The following MYO1F variants were observed in gnomAD, a reference collection of about 807,000 sequenced individuals.
MYO1F encodes the protein unconventional myosin-If.
MYO1F carries 60 observed loss-of-function variants against 146.6 expected under a neutral mutation model. The observed-to-expected ratio is 0.41, with a 90% confidence interval of 0.33 to 0.51. MYO1F has a LOEUF of 0.51. Ranked by LOEUF, MYO1F falls within the 20% of genes least tolerant of loss-of-function variation. The probability of loss-of-function intolerance (pLI) is 0.25; values close to 1 mark genes in which losing one functional copy is unlikely to be tolerated. For missense variants in MYO1F, 1,274 were observed against 1,534.3 expected, an observed-to-expected ratio of 0.83 and a Z score of 2.83; for synonymous variants, 602 against 602.1, an observed-to-expected ratio of 1.00 and a Z score of 0.00.
At chr19:8,522,266 C>T in intron 27 of MYO1F, 111 bp downstream of exon 27, 1 of 1,363,950 alleles carries the variant, frequency 7.3e-7, no homozygotes, top group Non-Finnish European at 1.0e-6. Flanking sequence ...TCGTGATCTG[C>T]CCGCCTTGGC....
intron 4 of MYO1F, 24 bp from the exon 5 acceptor site, chr19:8,553,461 T>G (rs1404139468): frequency 6.2e-7 from 1 of 1,603,860 alleles, no homozygotes; most frequent in East Asian, 2.2e-5. Context: ...GAGGAATAAA[T>G]GATCAGTGGT....
rs1207143686 is a variant in MYO1F, at chr19:8,527,479, A to T, written c.2333T>A (p.Ile778Asn). The T allele has an allele frequency of 1.2e-6, 2 of 1,613,912 alleles. No individual in the cohort carries two copies. The highest frequency in any genetic ancestry group is 4.5e-5 in the East Asian group (2 of 44,876). ...VTKYDRRFKPIKRDLILTPKC... is the reference protein window; with the variant it reads ...VTKYDRRFKPNKRDLILTPKC... ...GGGCGTCAGGATCAAGTCCCGCTTGATGGGCTGTGGGGATGCAGGATTAGA... is the reference window on the plus strand; with the variant it reads ...GGGCGTCAGGATCAAGTCCCGCTTGTTGGGCTGTGGGGATGCAGGATTAGA... The change falls in exon 22 of 28, where the codon ATC becomes AAC. Residue 778 changes from isoleucine to asparagine, a missense_variant. This residue lies in a region of MYO1F where 900 missense variants were observed against 1,155.1 expected (regional missense o/e 0.78). Transcript: ENST00000644032.
At chr19:8,524,857 C>T (rs1972200941) in intron 25 of MYO1F, among the ~76,000 whole-genome samples, 1 of 152,024 alleles carries the variant, frequency 6.6e-6, no homozygotes, top group Middle Eastern at 3.2e-3. Context: ...AGAAAACGGC[C>T]CAAAGGCCTG....
chr19:8,532,983 C>A (rs1054382042), intron 19 of MYO1F, among the ~76,000 whole-genome samples: 3 of 151,312 alleles, frequency 2.0e-5, no homozygotes, highest in Non-Finnish European at 4.4e-5. Context: ...TAGCACTTCA[C>A]CCAGAGTGCT....
rs1400726405 is a variant in MYO1F, at chr19:8,522,700, G to A, written c.2984C>T (p.Pro995Leu). ...PSTSLGASRRPRARPPSEHNT... is the reference protein window; with the variant it reads ...PSTSLGASRRLRARPPSEHNT... Reference sequence around the variant, plus strand: ...GTGCTCTGAGGGCGGACGTGCCCGGGGTCGTCTGCTGGCTCCCAGGGATGT... The same window carrying A: ...GTGCTCTGAGGGCGGACGTGCCCGGAGTCGTCTGCTGGCTCCCAGGGATGT... Residue 995 changes from proline (P) to leucine (L), a missense_variant, in exon 26 of 28, where the codon CCC (proline) becomes CTC (leucine). By Grantham distance (98) the Pro-to-Leu change is moderately conservative (BLOSUM62 -3). Transcript: ENST00000644032. 1 of 1,613,924 alleles carries A rather than the reference G, an allele frequency of 6.2e-7. No homozygotes were observed. The highest frequency in any genetic ancestry group is 8.5e-7 in the Non-Finnish European group (1 of 1,179,988).
chr19:8,531,204 G>A (rs1202099505), intron 19 of MYO1F, among the ~76,000 whole-genome samples: 4 of 151,528 alleles, frequency 2.6e-5, no homozygotes, highest in African/African-American at 9.7e-5. Flanking sequence ...AAAATTAGCC[G>A]GGCATGGTGG....
intron 4 of MYO1F, 136 bp from the exon 5 acceptor site, chr19:8,553,573 GATAA>G (rs1412435481): frequency 3.7e-5 from 27 of 734,106 alleles, no homozygotes; most frequent in Non-Finnish European, 6.1e-5. Flanking sequence ...GAACAAGACA[GATAA>G]AATCTCTGCT....
At chr19:8,566,931 C>A (rs1169034154) in intron 1 of MYO1F, among the ~76,000 whole-genome samples, 1 of 152,020 alleles carries the variant, frequency 6.6e-6, no homozygotes, top group Non-Finnish European at 1.5e-5. Context: ...CTTGCTTCAG[C>A]CTATGAAAGT....
chr19:8,543,192 C>T (rs761989166), intron 14 of MYO1F, among the ~76,000 whole-genome samples: 18 of 152,350 alleles, frequency 1.2e-4, no homozygotes, highest in African/African-American at 1.9e-4. Context: ...GCGTGAGCCA[C>T]CACTCCCAGC....
At chr19:8,552,564 GC>G (rs1973658319) in intron 6 of MYO1F, among the ~76,000 whole-genome samples, 1 of 152,104 alleles carries the variant, frequency 6.6e-6, no homozygotes, top group African/African-American at 2.4e-5. Flanking sequence ...CCCACACCCA[GC>G]CCAAGGGTAT....
intron 12 of MYO1F, among the ~76,000 whole-genome samples, chr19:8,546,142 G>A (rs955217174): frequency 1.5e-5 from 2 of 137,648 alleles, no homozygotes; most frequent in African/African-American, 5.5e-5. Context: ...TTGGCTCATC[G>A]CAACCTCCGC....
chr19:8,532,759 G>A (rs1017352076), intron 19 of MYO1F, among the ~76,000 whole-genome samples: 2 of 151,874 alleles, frequency 1.3e-5, no homozygotes, highest in Admixed American at 1.3e-4. Flanking sequence ...GTGATGGCAC[G>A]CATGTGTAGT....
intron 17 of MYO1F, 131 bp downstream of exon 17, chr19:8,536,818 G>A: frequency 1.5e-6 from 1 of 677,788 alleles, no homozygotes. Context: ...TTCTGCAGGT[G>A]GGGGATTGTG....
At chr19:8,532,949 C>CACACACACAA (rs1568337800) in intron 19 of MYO1F, among the ~76,000 whole-genome samples, 15 of 139,312 alleles carry the variant, frequency 1.1e-4, no homozygotes, top group African/African-American at 4.0e-4. Flanking sequence ...CACACACACA[C>CACACACACAA]AATTGGGCTT....
intron 1 of MYO1F, among the ~76,000 whole-genome samples, chr19:8,562,016 T>C (rs1974155872): frequency 6.6e-6 from 1 of 151,484 alleles, no homozygotes; most frequent in African/African-American, 2.4e-5. Context: ...CGTCTGGCCC[T>C]TCCTTCCTTT....
intron 1 of MYO1F, among the ~76,000 whole-genome samples, chr19:8,572,927 C>T (rs1343894266): frequency 6.6e-6 from 1 of 152,162 alleles, no homozygotes; most frequent in Non-Finnish European, 1.5e-5. Context: ...AACATCTGGC[C>T]TCAAGTGATC....
At chr19:8,537,463 A>G (rs1024857478) in intron 16 of MYO1F, among the ~76,000 whole-genome samples, 21 of 151,760 alleles carry the variant, frequency 1.4e-4, no homozygotes, top group African/African-American at 4.6e-4. Context: ...TTGTTTTGAG[A>G]TGGAATTTTG....
chr19:8,530,151 A>G lies in MYO1F; in HGVS notation c.2328+45T>C. 6.2e-7 allele frequency: 1 copy of G among 1,613,034 alleles called. No homozygotes were observed. The highest frequency in any genetic ancestry group is 8.5e-7 in the Non-Finnish European group (1 of 1,179,412). ...TGCATCTGGGCCAGGTGAGGGTGCC[A>G]GGCTGTAGTCAGGGTCTTGCTGTGC... On this transcript the variant is annotated intron_variant, in intron 21 of 27. Transcript: ENST00000644032. This position sits in a 1 kb window ranked among gnomAD's most constrained non-coding sequence, Gnocchi z 5.8.
chr19:8,526,335 C>T, intron 24 of MYO1F, 118 bp downstream of exon 24: 3 of 1,468,848 alleles, frequency 2.0e-6, no homozygotes, highest in Non-Finnish European at 2.8e-6. Context: ...TTAAAAAAAC[C>T]ACAAAACTCA....
Sources: allele counts gnomAD v4.1 joint callset (sites outside exome capture counted in the v4.1 genomes callset), GRCh38; gene constraint gnomAD v4.1.1; regional missense constraint gnomAD v4.1.1; non-coding constraint Gnocchi (gnomAD v3.1); transcripts MANE v1.5; gene names NCBI Gene and HGNC (gene_info 2026-07-23, HGNC 2026-07-21).